C1orf21: variants seen among roughly 807,000 people sequenced by gnomAD.
The protein encoded by C1orf21 is chromosome 1 open reading frame 21, also known as uncharacterized protein C1orf21.
C1orf21 carries 3 observed loss-of-function variants against 18.7 expected under a neutral mutation model. The observed-to-expected ratio is 0.16, with a 90% CI of 0.07 to 0.42. The LOEUF is 0.42. Ranked by LOEUF, C1orf21 falls within the 10% of genes least tolerant of loss-of-function variation. The probability of loss-of-function intolerance (pLI) is 0.99; values close to 1 mark genes in which losing one functional copy is unlikely to be tolerated. For missense variants in C1orf21, 104 were observed against 143.6 expected (o/e 0.72, Z 1.41); for synonymous variants, 41 against 46.4 (o/e 0.88, Z 0.47).
chr1:184,606,425 TA>T (rs1659647314), intron 5 of C1orf21, among the ~76,000 whole-genome samples: 1 of 151,802 alleles, frequency 6.6e-6, no homozygotes, highest in African/African-American at 2.4e-5. Context: ...AAAATAAAAA[TA>T]AAAATTAGCC....
At chr1:184,574,020 C>A (rs911831530) in intron 3 of C1orf21, among the ~76,000 whole-genome samples, 8 of 152,056 alleles carry the variant, frequency 5.3e-5, no homozygotes, top group Non-Finnish European at 1.2e-4. Flanking sequence ...CATGGCGAAA[C>A]CCCATCTCTA....
intron 1 of C1orf21, among the ~76,000 whole-genome samples, chr1:184,415,609 A>T (rs1464951763): frequency 6.6e-6 from 1 of 152,210 alleles, no homozygotes; most frequent in African/African-American, 2.4e-5. Flanking sequence ...AAGCATTAAA[A>T]AAATGAAACA....
At chr1:184,487,284 G>A (rs898054813) in intron 2 of C1orf21, among the ~76,000 whole-genome samples, 3 of 152,218 alleles carry the variant, frequency 2.0e-5, no homozygotes, top group African/African-American at 4.8e-5. Flanking sequence ...GCTGTCCTCC[G>A]TAGAGACTAG....
chr1:184,472,148 A>G (rs144824572), intron 1 of C1orf21, among the ~76,000 whole-genome samples: 167 of 152,084 alleles, frequency 1.1e-3, no homozygotes, highest in African/African-American at 3.9e-3. Context: ...ATATAGATAT[A>G]TATTTTTTCC....
rs565599385 is a variant in C1orf21, at chr1:184,572,845, A to T, written c.190-17894A>T. Among the ~76,000 whole-genome samples the T allele has an allele frequency of 1.1e-4, 17 of 152,036 alleles. 1 individual carries two copies. The highest frequency in any genetic ancestry group is 3.9e-4 in the African/African-American group (16 of 41,466). ...CATGCACCTGTAATCTCAGCTACTC[A>T]GGAGGCTGAGGCAGGAGACTCGCTT... is the stretch of plus-strand genomic sequence containing the variant. On this transcript the variant is annotated intron_variant, in intron 3 of 5. Transcript: ENST00000235307.
intron 1 of C1orf21, among the ~76,000 whole-genome samples, chr1:184,449,378 C>A (rs1657086158): frequency 1.3e-5 from 2 of 152,148 alleles, no homozygotes; most frequent in South Asian, 4.1e-4. Context: ...AGGACATGAA[C>A]TCATCATTTT....
chr1:184,612,530 A>T (rs12074688), intron 5 of C1orf21, among the ~76,000 whole-genome samples: 74 of 152,312 alleles, frequency 4.9e-4, no homozygotes, highest in African/African-American at 1.8e-3. Context: ...GTTTGAGACT[A>T]GCCTGGCCAA....
Position 184,574,434 on chromosome 1 carries a change from T to C in C1orf21, c.190-16305T>C, listed in dbSNP as rs1659157707. 2.0e-5 allele frequency among the ~76,000 whole-genome samples: 3 copies of C among 152,196 alleles called. No individual in the cohort carries two copies. The South Asian group carries it at 6.2e-4, about 31-fold the overall frequency. On this transcript the variant is annotated intron_variant, in intron 3 of 5. Coordinates refer to ENST00000235307, the MANE Select transcript of C1orf21 (RefSeq NM_030806.4). ...TCACTGAATTAACAAACCATATAAG[T>C]AGTCAGCTGAAGGTTTCAACCACAT...
At chr1:184,502,938 C>G (rs898272874) in intron 2 of C1orf21, among the ~76,000 whole-genome samples, 2 of 151,672 alleles carry the variant, frequency 1.3e-5, no homozygotes, top group African/African-American at 4.8e-5. Context: ...ATTAGGCAGG[C>G]ATGATGGTGT....
chr1:184,408,271 C>T (rs182650452), intron 1 of C1orf21: 2 of 152,292 alleles, frequency 1.3e-5, no homozygotes, highest in Non-Finnish European at 2.9e-5. Context: ...TCTATTAAGA[C>T]TGGAATGTTG....
chr1:184,617,904 G>GTTTTTTTTTTTTTT (rs142357373), intron 5 of C1orf21, among the ~76,000 whole-genome samples: 1 of 87,506 alleles, frequency 1.1e-5, no homozygotes, highest in Non-Finnish European at 2.3e-5. Context: ...TGTTGTTGTT[G>GTTTTTTTTTTTTTT]TTTTTTTTTT....
Position 184,627,422 on chromosome 1 carries a change from G to T in C1orf21, c.*7866G>T, listed in dbSNP as rs919523481. ...AGAAACTCAAGAAAAAGCTCAAACA[G>T]AAGACAGTTCCCCTGAGAGGCTGGA... On this transcript the variant is annotated 3_prime_UTR_variant, in exon 6 of 6. Coordinates refer to ENST00000235307, the MANE Select transcript of C1orf21 (RefSeq NM_030806.4). 1 of 152,136 alleles carries T rather than the reference G, an allele frequency of 6.6e-6. No homozygotes were observed. The highest frequency in any genetic ancestry group is 2.4e-5 in the African/African-American group (1 of 41,394). 9.4% of individuals were successfully genotyped at this position (152,136 alleles called of 1,614,324 possible). A position where few individuals can be genotyped will look rare whatever the true frequency, so the allele number is the denominator to read the frequency against.
At chr1:184,400,870 C>T (rs1290984705) in intron 1 of C1orf21, among the ~76,000 whole-genome samples, 1 of 152,098 alleles carries the variant, frequency 6.6e-6, no homozygotes, top group Non-Finnish European at 1.5e-5. Flanking sequence ...AGTGGGATCA[C>T]TGGGTCAAAG....
intron 3 of C1orf21, among the ~76,000 whole-genome samples, chr1:184,542,901 A>G (rs981004515): frequency 6.6e-5 from 10 of 152,202 alleles, no homozygotes; most frequent in Non-Finnish European, 4.4e-5. Context: ...AAGGGAGGAA[A>G]GAAAGAGTTA....
intron 1 of C1orf21, among the ~76,000 whole-genome samples, chr1:184,399,495 T>C (rs1656115438): frequency 6.7e-6 from 1 of 149,456 alleles, no homozygotes; most frequent in South Asian, 2.1e-4. Flanking sequence ...GTCGAGTAGC[T>C]GGGACTATAG....
chr1:184,616,580 T>G (rs141286757), intron 5 of C1orf21, among the ~76,000 whole-genome samples: 1 of 152,364 alleles, frequency 6.6e-6, no homozygotes, highest in Non-Finnish European at 1.5e-5. Context: ...TACTGTGGTT[T>G]GAAATGGTCC....
chr1:184,549,280 ACTT>A (rs767684638), intron 3 of C1orf21, among the ~76,000 whole-genome samples: 48 of 152,264 alleles, frequency 3.2e-4, no homozygotes, highest in Non-Finnish European at 6.0e-4. Flanking sequence ...TCAAGGGATG[ACTT>A]CTTCTTCCTC....
chr1:184,429,971 G>C (rs1395487914), intron 1 of C1orf21, among the ~76,000 whole-genome samples: 1 of 151,968 alleles, frequency 6.6e-6, no homozygotes, highest in Non-Finnish European at 1.5e-5. Context: ...AATTAGCCGG[G>C]TGAAGTGGTG....
intron 3 of C1orf21, among the ~76,000 whole-genome samples, chr1:184,511,226 C>T (rs1658138383): frequency 6.6e-6 from 1 of 152,020 alleles, no homozygotes; most frequent in African/African-American, 2.4e-5. Context: ...AAAGTTAAAC[C>T]ATGGATCATA....
Sources: gnomAD v4.1 joint callset for allele counts (sites outside exome capture counted in the v4.1 genomes callset) on GRCh38, gnomAD v4.1.1 for gene constraint, MANE v1.5 for transcripts, NCBI Gene and HGNC (gene_info 2026-07-23, HGNC 2026-07-21) for gene names.